The following RAD21L1 variants were observed in gnomAD, a reference collection of about 807,000 sequenced individuals.
RAD21L1 encodes the protein double-strand-break repair protein rad21-like protein 1.
RAD21L1 carries 47 observed loss-of-function variants against 69.0 expected under a neutral mutation model. The ratio of observed to expected loss-of-function variants is 0.68; its 90% CI spans 0.54 to 0.87. The LOEUF is 0.87. RAD21L1 is among the 40% of genes least tolerant of loss of function. RAD21L1 has a pLI of 0.00. For synonymous variants in RAD21L1, 177 were observed against 205.8 expected, an observed-to-expected ratio of 0.86 and a Z score of 1.20; for missense variants, 583 against 647.6, an observed-to-expected ratio of 0.90 and a Z score of 1.08.
At chr20:1,254,053 C>A (rs2087886505) in intron 13 of RAD21L1, among the ~76,000 whole-genome samples, 4 of 152,168 alleles carry the variant, frequency 2.6e-5, no homozygotes, top group Admixed American at 2.6e-4. Context: ...CTTCGGAATT[C>A]TTTTGCATGC....
At chr20:1,241,901 A>G (rs1325308410) in intron 8 of RAD21L1, among the ~76,000 whole-genome samples, 1 of 152,176 alleles carries the variant, frequency 6.6e-6, no homozygotes. Context: ...CTGCCTGGTA[A>G]AATTCCCTGG....
intron 10 of RAD21L1, 58 bp from the exon 11 acceptor site, chr20:1,243,988 A>T: frequency 6.8e-7 from 1 of 1,462,706 alleles, no homozygotes; most frequent in Non-Finnish European, 9.3e-7. Context: ...CAACCATATC[A>T]CAATTCAAGT....
Position 1,246,813 on chromosome 20 carries a change from G to A in RAD21L1, c.1401+508G>A, listed in dbSNP as rs1016899982. 6.6e-6 allele frequency among the ~76,000 whole-genome samples: 1 copy of A among 152,132 alleles called. No individual in the cohort carries two copies. Among genetic ancestry groups the A allele is most frequent in the Non-Finnish European group, 1.5e-5 (1 of 68,014 alleles). The stretch of plus-strand genomic sequence containing the variant: ...GGGCCACATGTCAATAGCAAAGACA[G>A]AAGTAAAGTCTGATTTCCCTGACTC... On this transcript the variant is annotated intron_variant, in intron 12 of 13. Coordinates refer to ENST00000683101, the MANE Select transcript of RAD21L1 (RefSeq NM_001384355.1). This position sits in a 1 kb window ranked among gnomAD's most constrained non-coding sequence, Gnocchi z 4.6.
intron 8 of RAD21L1, among the ~76,000 whole-genome samples, chr20:1,240,821 G>A (rs1357936916): frequency 6.6e-6 from 1 of 152,168 alleles, no homozygotes; most frequent in Non-Finnish European, 1.5e-5. Context: ...CCCTTAATCT[G>A]CATACAATTA....
At chr20:1,230,033 C>T (rs1461593638) in intron 3 of RAD21L1, 24 bp downstream of exon 3, 4 of 1,517,548 alleles carry the variant, frequency 2.6e-6, no homozygotes, top group African/African-American at 1.4e-5. Context: ...ATTGATTTGT[C>T]TCCTTCTTGG....
chr20:1,250,161 C>T (rs1207992337), intron 13 of RAD21L1, among the ~76,000 whole-genome samples: 5 of 151,904 alleles, frequency 3.3e-5, no homozygotes, highest in South Asian at 4.2e-4. Context: ...CAGCTTCATC[C>T]GTGTCCCTAC....
At chr20:1,241,110 T>C (rs1244427404) in intron 8 of RAD21L1, among the ~76,000 whole-genome samples, 2 of 152,246 alleles carry the variant, frequency 1.3e-5, no homozygotes, top group Non-Finnish European at 2.9e-5. Flanking sequence ...GTTCAAACCA[T>C]GTATCCAGTT....
At chr20:1,250,541 C>G (rs948657732) in intron 13 of RAD21L1, among the ~76,000 whole-genome samples, 1 of 152,078 alleles carries the variant, frequency 6.6e-6, no homozygotes, top group East Asian at 1.9e-4. Context: ...TGAACTCATC[C>G]TTTTTTATGG....
chr20:1,248,952 C>T (rs1489006642), intron 13 of RAD21L1, among the ~76,000 whole-genome samples: 2 of 152,086 alleles, frequency 1.3e-5, no homozygotes, highest in Non-Finnish European at 2.9e-5. Context: ...GTGTCCCATC[C>T]TCGTTTTTAG....
intron 9 of RAD21L1, 43 bp from the exon 10 acceptor site, chr20:1,243,054 G>T: frequency 8.2e-7 from 1 of 1,225,424 alleles, no homozygotes. Context: ...GAATTGCTTT[G>T]CTGGTACAAA....
At chr20:1,242,955 A>T in intron 9 of RAD21L1, 110 bp downstream of exon 9, 1 of 922,600 alleles carries the variant, frequency 1.1e-6, no homozygotes, top group Non-Finnish European at 1.7e-6. Context: ...TAAACTTGCG[A>T]AGAAGTACTT....
At chr20:1,245,333 A>G (rs1473131597) in intron 11 of RAD21L1, among the ~76,000 whole-genome samples, 3 of 152,218 alleles carry the variant, frequency 2.0e-5, no homozygotes, top group Admixed American at 6.5e-5. Flanking sequence ...AAATCTTCAT[A>G]AAACAGAATT....
At chr20:1,248,045 C>CAAAAAAAAAAAAAAAAAA (rs71327497) in intron 12 of RAD21L1, among the ~76,000 whole-genome samples, 1 of 71,928 alleles carries the variant, frequency 1.4e-5, no homozygotes, top group Non-Finnish European at 2.5e-5. Flanking sequence ...CCTTAAATAC[C>CAAAAAAAAAAAAAAAAAA]AAAAAAAAAA....
chr20:1,252,051 A>G (rs2087844929), intron 13 of RAD21L1, among the ~76,000 whole-genome samples: 1 of 152,062 alleles, frequency 6.6e-6, no homozygotes, highest in South Asian at 2.1e-4. Flanking sequence ...CCCCATTCCC[A>G]AGCAACCACT....
chr20:1,240,204 CCA>C (rs1740853658), intron 7 of RAD21L1, 115 bp from the exon 8 acceptor site: 1 of 1,389,692 alleles, frequency 7.2e-7, no homozygotes, highest in Non-Finnish European at 9.3e-7. Flanking sequence ...TTCAGATGTT[CCA>C]GTTAGTAATA....
rs1205334411 is a variant in RAD21L1 at position 1,243,143 on chromosome 20, A to G, written c.1130A>G (p.Lys377Arg). ...TCCTCTGGCTTTAAACTTGGAAGAA[A>G]AATGATACAGAAGGAGTCAGTAAGG... Reference protein sequence around the residue: ...FLSSGFKLGRKMIQKESVREE... With the variant: ...FLSSGFKLGRRMIQKESVREE... The change falls in exon 10 of 14, where the codon AAA becomes AGA. Residue 377 changes from lysine (K) to arginine (R), a missense_variant. Transcript: ENST00000683101. 2 of 1,540,418 alleles carry G rather than the reference A, an allele frequency of 1.3e-6. No homozygotes were observed. Among genetic ancestry groups the G allele is most frequent in the Non-Finnish European group, 1.8e-6 (2 of 1,142,344 alleles).
At chr20:1,228,667 C>T (rs2122759297) in intron 2 of RAD21L1, 70 bp downstream of exon 2, 1 of 1,064,314 alleles carries the variant, frequency 9.4e-7, no homozygotes, top group East Asian at 2.9e-5. Context: ...TTAAGATACA[C>T]TTATATCATG....
chr20:1,239,481 T>C (rs1397668812), intron 7 of RAD21L1, 74 bp downstream of exon 7: 7 of 753,982 alleles, frequency 9.3e-6, no homozygotes, highest in Admixed American at 2.2e-5. Context: ...TGAATTTAAG[T>C]AGCAATATAG....
At chr20:1,237,681 A>T (rs1211195615) in intron 5 of RAD21L1, among the ~76,000 whole-genome samples, 1 of 152,178 alleles carries the variant, frequency 6.6e-6, no homozygotes, top group Non-Finnish European at 1.5e-5. Flanking sequence ...CACTACAAGC[A>T]ATTGTCCTTG....
Sources: allele counts gnomAD v4.1 joint callset (sites outside exome capture counted in the v4.1 genomes callset), GRCh38; gene constraint gnomAD v4.1.1; non-coding constraint Gnocchi (gnomAD v3.1); transcripts MANE v1.5; gene names NCBI Gene and HGNC (gene_info 2026-07-23, HGNC 2026-07-21).